Variants in PTPRN2 observed in about 807,000 individuals in gnomAD.
PTPRN2 encodes the protein protein tyrosine phosphatase receptor type N2, also known as receptor-type tyrosine-protein phosphatase N2.
In PTPRN2, 74 loss-of-function variants were observed where a neutral mutation model predicts 118.8. The observed-to-expected ratio is 0.62, with a 90% CI of 0.52 to 0.76. The LOEUF (loss-of-function observed/expected upper bound fraction) is 0.76. Ranked by LOEUF, PTPRN2 falls within the 30% of genes least tolerant of loss-of-function variation. PTPRN2 has a pLI of 0.00. For synonymous variants in PTPRN2, 641 were observed against 608.0 expected, an observed-to-expected ratio of 1.05 and a Z score of -0.80; for missense variants, 1,481 against 1,394.4, an observed-to-expected ratio of 1.06 and a Z score of -0.99.
chr7:158,524,441 A>ACCCTGGAGCGGAGTCTG (rs1453493844), intron 1 of PTPRN2, among the ~76,000 whole-genome samples: 26 of 58,598 alleles, frequency 4.4e-4, no homozygotes, highest in South Asian at 9.7e-4. Flanking sequence ...GGAGTCGTCT[A>ACCCTGGAGCGGAGTCTG]CCCTGGAGCG....
In PTPRN2 at chr7:158,071,313, A is replaced by G. The variant is rs1228907973; in HGVS notation, c.1723+9985T>C. Reference sequence around the variant, plus strand: ...GGAGGTGCTCGTGGTGGAGGTGCCCATGGTAGTGGAGGTGCCCATGGTGGT... The same window carrying G: ...GGAGGTGCTCGTGGTGGAGGTGCCCGTGGTAGTGGAGGTGCCCATGGTGGT... On this transcript the variant is annotated intron_variant, in intron 11 of 22. Coordinates refer to ENST00000389418, the MANE Select transcript of PTPRN2 (RefSeq NM_002847.5). Among the ~76,000 whole-genome samples the G allele has an allele frequency of 2.7e-3, 157 of 57,320 alleles. 4 individuals are homozygous for G. Among genetic ancestry groups the G allele is most frequent in the African/African-American group, 4.2e-3 (48 of 11,338 alleles). The allele number at this position is 57,320 out of a possible 152,430, so 37.6% of individuals were successfully genotyped here.
At chr7:157,975,261 A>T (rs144294041) in intron 11 of PTPRN2, among the ~76,000 whole-genome samples, 6 of 152,172 alleles carry the variant, frequency 3.9e-5, no homozygotes, top group African/African-American at 1.4e-4. Flanking sequence ...ACTGGATCCG[A>T]GCATCTGCAC....
chr7:157,717,915 C>T (rs1416784775), intron 12 of PTPRN2, among the ~76,000 whole-genome samples: 3 of 152,260 alleles, frequency 2.0e-5, no homozygotes, highest in African/African-American at 7.2e-5. Context: ...AGCCATTTTT[C>T]GGTATTTCTC....
chr7:158,092,429 G>C (rs1336021911), intron 10 of PTPRN2, among the ~76,000 whole-genome samples: 5 of 151,808 alleles, frequency 3.3e-5, no homozygotes, highest in African/African-American at 1.2e-4. Context: ...TGGATGGATG[G>C]GGAGGTAGAC....
intron 2 of PTPRN2, among the ~76,000 whole-genome samples, chr7:158,453,718 G>A (rs1300780447): frequency 6.9e-6 from 1 of 145,438 alleles, no homozygotes; most frequent in Non-Finnish European, 1.6e-5. Context: ...CAAATTAACT[G>A]AGGAAAATTG....
intron 11 of PTPRN2, among the ~76,000 whole-genome samples, chr7:158,076,482 C>T (rs542797649): frequency 1.1e-3 from 169 of 152,380 alleles, no homozygotes; most frequent in African/African-American, 3.6e-3. Context: ...CCCCCTCCCC[C>T]GGGGCCAACC....
At chr7:158,108,003 C>T (rs559419837) in intron 10 of PTPRN2, among the ~76,000 whole-genome samples, 1 of 152,010 alleles carries the variant, frequency 6.6e-6, no homozygotes, top group East Asian at 1.9e-4. Flanking sequence ...CCTCTGCTGC[C>T]TACTGCAGGC....
intron 12 of PTPRN2, among the ~76,000 whole-genome samples, chr7:157,790,243 CTG>C (rs1388779557): frequency 3.8e-4 from 21 of 55,570 alleles, no homozygotes; most frequent in African/African-American, 1.4e-3. Context: ...GTGTGTGTGT[CTG>C]TGGTGGGGGT....
At chr7:157,604,762 G>A (rs898848078) in intron 15 of PTPRN2, among the ~76,000 whole-genome samples, 15 of 152,216 alleles carry the variant, frequency 9.9e-5, no homozygotes, top group African/African-American at 2.9e-4. Context: ...GTAACCTGAC[G>A]GCTGCTGAAG....
At chr7:158,152,247 G>T (rs1027764772) in intron 6 of PTPRN2, among the ~76,000 whole-genome samples, 12 of 150,670 alleles carry the variant, frequency 8.0e-5, no homozygotes, top group Non-Finnish European at 1.5e-4. Flanking sequence ...ATAACCCAGA[G>T]TATGAAGGAT....
chr7:157,629,616 G>A lies in PTPRN2; in HGVS notation c.2197-8107C>T, dbSNP rs1295583008. Among the ~76,000 whole-genome samples the A allele has an allele frequency of 2.0e-5, 3 of 152,150 alleles. No homozygotes were observed. The highest frequency in any genetic ancestry group is 2.1e-4 in the South Asian group (1 of 4,826). The stretch of plus-strand genomic sequence containing the variant: ...GCCCATCATCACTCCGTGGGTCTTC[G>A]GATATGGGACGAGTGGAAACTGTCC... On this transcript the variant is annotated intron_variant, in intron 14 of 22. Coordinates refer to ENST00000389418, the MANE Select transcript of PTPRN2 (RefSeq NM_002847.5). The surrounding 1 kb of genome is among the most constrained non-coding windows in gnomAD (Gnocchi z 4.4).
intron 12 of PTPRN2, among the ~76,000 whole-genome samples, chr7:157,718,966 T>C (rs1799088539): frequency 6.6e-6 from 1 of 151,898 alleles, no homozygotes; most frequent in Non-Finnish European, 1.5e-5. Flanking sequence ...TCCCCACACA[T>C]TGCCCTGTTT....
chr7:158,261,328 A>G (rs1797384113), intron 3 of PTPRN2, among the ~76,000 whole-genome samples: 1 of 138,192 alleles, frequency 7.2e-6, no homozygotes, highest in Non-Finnish European at 1.6e-5. Flanking sequence ...AGTCAGGGGG[A>G]GGGAGGTAAC....
intron 11 of PTPRN2, among the ~76,000 whole-genome samples, chr7:157,940,098 C>G (rs1312567059): frequency 1.3e-5 from 2 of 152,272 alleles, no homozygotes; most frequent in East Asian, 3.9e-4. Flanking sequence ...GAGCCCCTGT[C>G]AAGAGTTCCA....
chr7:157,709,979 T>G (rs1044275139), intron 12 of PTPRN2, among the ~76,000 whole-genome samples: 1 of 152,080 alleles, frequency 6.6e-6, no homozygotes, highest in African/African-American at 2.4e-5. Flanking sequence ...GGGCAAACCG[T>G]GGATGCTGGA....
At chr7:157,819,681 G>C (rs976983735) in intron 12 of PTPRN2, among the ~76,000 whole-genome samples, 5 of 152,058 alleles carry the variant, frequency 3.3e-5, no homozygotes, top group African/African-American at 1.2e-4. Flanking sequence ...TCAGGGGAGC[G>C]TGCTGGATGG....
At chr7:158,004,062 T>C (rs1326932397) in intron 11 of PTPRN2, among the ~76,000 whole-genome samples, 1 of 152,116 alleles carries the variant, frequency 6.6e-6, no homozygotes, top group Non-Finnish European at 1.5e-5. Flanking sequence ...GCTTTTCGGC[T>C]CCTCGTTTGG....
rs1194933893 is a variant in PTPRN2, at chr7:158,429,598, C to T, written c.163+60137G>A. Among the ~76,000 whole-genome samples the T allele has an allele frequency of 3.9e-5, 6 of 152,266 alleles. No homozygotes were observed. The East Asian group carries it at 1.2e-3, about 29-fold the overall frequency. ...CTGGTCCCACCTCCCTCCTGCCACC[C>T]TCCGCTCAAGCACATGGCCATCCCA... On this transcript the variant is annotated intron_variant, in intron 2 of 22. Coordinates refer to ENST00000389418, the MANE Select transcript of PTPRN2 (RefSeq NM_002847.5).
At chr7:158,397,998 T>G (rs963808345) in intron 2 of PTPRN2, among the ~76,000 whole-genome samples, 13 of 151,856 alleles carry the variant, frequency 8.6e-5, no homozygotes, top group African/African-American at 2.7e-4. Flanking sequence ...AGCAGGGAAA[T>G]GAGAGGATGA....
Sources: gnomAD v4.1 joint callset for allele counts (sites outside exome capture counted in the v4.1 genomes callset) on GRCh38, gnomAD v4.1.1 for gene constraint, Gnocchi (gnomAD v3.1) non-coding constraint, MANE v1.5 for transcripts, NCBI Gene and HGNC (gene_info 2026-07-23, HGNC 2026-07-21) for gene names.